KPNA6: variants seen among roughly 807,000 people sequenced by gnomAD.
KPNA6 encodes the protein importin subunit alpha-7.
A neutral mutation model predicts 72.0 loss-of-function variants in KPNA6; 9 were observed. The observed-to-expected ratio is 0.13, with a 90% CI of 0.08 to 0.22. KPNA6 has a LOEUF of 0.22. Among genes scored for constraint, KPNA6 ranks in the 10% least tolerant of loss-of-function variants. The probability of loss-of-function intolerance (pLI) is 1.00; values close to 1 mark genes in which losing one functional copy is unlikely to be tolerated. For missense variants in KPNA6, 374 were observed against 655.7 expected (o/e 0.57, Z 4.69); for synonymous variants, 219 against 242.1 (o/e 0.90, Z 0.89).
chr1:32,171,368 G>GTGGGATT lies in KPNA6; in HGVS notation c.*479_*480insTTTGGGA, dbSNP rs774483785. On this transcript the variant is annotated 3_prime_UTR_variant, in exon 14 of 14. Transcript: ENST00000373625. Reference sequence around the variant, plus strand: ...AGACGGTATATTCCAGAGGTGGGAGGTGGGAGGGGAAGGGAGAAATCCAAA... The same window carrying GTGGGATT: ...AGACGGTATATTCCAGAGGTGGGAGGTGGGATTTGGGAGGGGAAGGGAGAAATCCAAA... The GTGGGATT allele has an allele frequency of 6.5e-6, 1 of 153,236 alleles. No individual in the cohort carries two copies. Among genetic ancestry groups the GTGGGATT allele is most frequent in the African/African-American group, 2.4e-5 (1 of 41,418 alleles). 9.5% of individuals were successfully genotyped at this position (153,236 alleles called of 1,614,324 possible). A position where few individuals can be genotyped will look rare whatever the true frequency, so the allele number is the denominator to read the frequency against.
intron 10 of KPNA6, among the ~76,000 whole-genome samples, 191 bp from the exon 11 acceptor site, chr1:32,165,914 C>T (rs2124088996): frequency 6.6e-6 from 1 of 151,192 alleles, no homozygotes; most frequent in Non-Finnish European, 1.5e-5. Flanking sequence ...TGGAGAATCA[C>T]TTGAACCTGG....
At chr1:32,150,252 C>A (rs1642005518) in intron 1 of KPNA6, among the ~76,000 whole-genome samples, 1 of 150,764 alleles carries the variant, frequency 6.6e-6, no homozygotes, top group Non-Finnish European at 1.5e-5. Flanking sequence ...CCTTCCTCAG[C>A]CTCCCGAGTA....
At chr1:32,147,655 T>C (rs933364971) in intron 1 of KPNA6, among the ~76,000 whole-genome samples, 73 of 129,414 alleles carry the variant, frequency 5.6e-4, no homozygotes, top group African/African-American at 1.2e-3. Flanking sequence ...CTTTTCTTTT[T>C]TTTTTTTTTT....
chr1:32,119,698 C>T (rs1352310419), intron 1 of KPNA6, among the ~76,000 whole-genome samples: 1 of 151,892 alleles, frequency 6.6e-6, no homozygotes, highest in East Asian at 1.9e-4. Context: ...GTTGATTTCG[C>T]ATCCTTTCCA....
chr1:32,145,051 C>T (rs1348977455), intron 1 of KPNA6, among the ~76,000 whole-genome samples: 1 of 151,364 alleles, frequency 6.6e-6, no homozygotes, highest in East Asian at 1.9e-4. Context: ...CTCCCAGGTT[C>T]ATGCCATTCT....
intron 1 of KPNA6, among the ~76,000 whole-genome samples, chr1:32,128,381 A>G (rs1318225153): frequency 3.3e-5 from 3 of 89,918 alleles, no homozygotes; most frequent in Non-Finnish European, 6.4e-5. Flanking sequence ...TATATTATAT[A>G]TGTATTTATA....
chr1:32,114,959 G>T (rs1461866143), intron 1 of KPNA6, among the ~76,000 whole-genome samples: 1 of 152,146 alleles, frequency 6.6e-6, no homozygotes, highest in Non-Finnish European at 1.5e-5. Flanking sequence ...TGGTGCCTCA[G>T]TCTCCTAAGT....
Position 32,142,972 on chromosome 1 carries a change from A to G in KPNA6, c.5-11616A>G, listed in dbSNP as rs1381042762. The G allele has an allele frequency of 1.2e-5, 16 of 1,289,668 alleles. No homozygotes were observed. The Admixed American group carries it at 3.7e-4, about 30-fold the overall frequency. The allele number at this position is 1,289,668 out of a possible 1,614,324, so 79.9% of individuals were successfully genotyped here. On this transcript the variant is annotated intron_variant, in intron 1 of 13. Coordinates refer to ENST00000373625, the MANE Select transcript of KPNA6 (RefSeq NM_012316.5). ...CTTCACTGTCAGCTGTGCTTGAAGG[A>G]GAGGCTAGCGTCCAGGACAGCCCAG...
rs912635889 is a variant in KPNA6 at position 32,122,957 on chromosome 1, CAAAAAAAA to C, written c.4+14835_4+14842del. Among the ~76,000 whole-genome samples, 4 of 56,140 alleles carry C rather than the reference CAAAAAAAA, an allele frequency of 7.1e-5. No homozygotes were observed. In the Admixed American group the frequency reaches 8.1e-4, roughly 11 times the overall value. 36.8% of individuals were successfully genotyped at this position (56,140 alleles called of 152,430 possible). On this transcript the variant is annotated intron_variant, in intron 1 of 13. Transcript: ENST00000373625. ...GGGCAACAAGAGCGAAACTCCATCT[CAAAAAAAA>C]AAAAAAAAAAAGTTTGGGTGTAAGG...
chr1:32,163,123 A>G (rs968941065), intron 9 of KPNA6, 112 bp from the exon 10 acceptor site: 15 of 697,620 alleles, frequency 2.2e-5, no homozygotes, highest in South Asian at 6.8e-5. Context: ...AGAAAAAAGA[A>G]AAAAAAAGGG....
intron 1 of KPNA6, among the ~76,000 whole-genome samples, chr1:32,114,353 A>T (rs1641291458): frequency 6.6e-6 from 1 of 151,630 alleles, no homozygotes; most frequent in Admixed American, 6.6e-5. Context: ...AGGCAAGAGA[A>T]TTGTTTGAAC....
rs538341955 is a variant in KPNA6, at chr1:32,142,004, C to T, written c.5-12584C>T. On this transcript the variant is annotated intron_variant, in intron 1 of 13. Transcript: ENST00000373625. Reference sequence around the variant, plus strand: ...TCAGAAGAGGTCAGGTGCAGTGGCTCATGCCTGTAATCCCAGCACTTTGGG... The same window carrying T: ...TCAGAAGAGGTCAGGTGCAGTGGCTTATGCCTGTAATCCCAGCACTTTGGG... Among the ~76,000 whole-genome samples, 4 of 152,226 alleles carry T rather than the reference C, an allele frequency of 2.6e-5. 1 individual carries two copies. In the South Asian group the frequency reaches 6.2e-4, roughly 24 times the overall value.
chr1:32,163,110 A>G, intron 9 of KPNA6, 125 bp from the exon 10 acceptor site: 3 of 666,614 alleles, frequency 4.5e-6, no homozygotes, highest in Non-Finnish European at 8.0e-6. Context: ...TCTCAAAAAA[A>G]AAAGAAAAAA....
Position 32,171,109 on chromosome 1 carries a change from A to T in KPNA6, c.*215A>T. On this transcript the variant is annotated 3_prime_UTR_variant, in exon 14 of 14. Transcript: ENST00000373625. ...GAGGCTCACCTTTGGGTTTTGTGAC[A>T]AGAAGGGGACGTGTTGGGTTTTTCT... 1 of 559,444 alleles carries T rather than the reference A, an allele frequency of 1.8e-6. No homozygotes were observed. Among genetic ancestry groups the T allele is most frequent in the Non-Finnish European group, 3.2e-6 (1 of 313,452 alleles). The allele number at this position is 559,444 out of a possible 1,614,324, so 34.7% of individuals were successfully genotyped here. A position where few individuals can be genotyped will look rare whatever the true frequency, so the allele number is the denominator to read the frequency against.
At chr1:32,121,945 C>T (rs143529090) in intron 1 of KPNA6, among the ~76,000 whole-genome samples, 88 of 152,048 alleles carry the variant, frequency 5.8e-4, no homozygotes, top group African/African-American at 2.1e-3. Context: ...TGCCCTCCAG[C>T]CTGGGTGACA....
intron 1 of KPNA6, among the ~76,000 whole-genome samples, chr1:32,147,234 G>A (rs1268792400): frequency 6.6e-6 from 1 of 152,076 alleles, no homozygotes; most frequent in African/African-American, 2.4e-5. Context: ...TTGAAGGACA[G>A]TTTTGTCAGA....
chr1:32,138,266 C>G (rs1458970213), intron 1 of KPNA6, among the ~76,000 whole-genome samples: 1 of 151,706 alleles, frequency 6.6e-6, no homozygotes, highest in Non-Finnish European at 1.5e-5. Context: ...GGAAGCTGGC[C>G]AGGCGCGGTG....
At chr1:32,162,133 A>C in intron 8 of KPNA6, 87 bp downstream of exon 8, 1 of 1,075,814 alleles carries the variant, frequency 9.3e-7, no homozygotes, top group Non-Finnish European at 1.4e-6. Context: ...TTGGAGTCTC[A>C]AATCATGGGA....
chr1:32,165,857 G>T (rs376441003), intron 10 of KPNA6, among the ~76,000 whole-genome samples: 5 of 151,928 alleles, frequency 3.3e-5, no homozygotes, highest in Non-Finnish European at 5.9e-5. Context: ...AATTTTCCGG[G>T]CGTGGTGGTA....
Sources: allele counts gnomAD v4.1 joint callset (sites outside exome capture counted in the v4.1 genomes callset), GRCh38; gene constraint gnomAD v4.1.1; transcripts MANE v1.5; gene names NCBI Gene and HGNC (gene_info 2026-07-23, HGNC 2026-07-21).